Variants in IL10RA observed in about 807,000 individuals in gnomAD.
The protein encoded by IL10RA is interleukin-10 receptor subunit alpha.
IL10RA carries 18 observed loss-of-function variants against 29.6 expected under a neutral mutation model. That is an observed-to-expected ratio of 0.61 (90% confidence interval 0.42 to 0.90). The LOEUF is 0.90. IL10RA is among the 40% of genes least tolerant of loss of function. IL10RA has a pLI of 0.00. For synonymous variants in IL10RA, 292 were observed against 294.1 expected, an observed-to-expected ratio of 0.99 and a Z score of 0.07; for missense variants, 634 against 716.6, an observed-to-expected ratio of 0.88 and a Z score of 1.32.
chr11:117,989,791 A>T lies in IL10RA; in HGVS notation c.367+171A>T. The T allele has an allele frequency of 2.8e-6, 2 of 706,978 alleles. No homozygotes were observed. Among genetic ancestry groups the T allele is most frequent in the Non-Finnish European group, 5.0e-6 (2 of 402,692 alleles). The allele number at this position is 706,978 out of a possible 1,614,324, so 43.8% of individuals were successfully genotyped here. Reference sequence around the variant, plus strand: ...ACTTTGGAGAATGTTAGATAAAAATAGCCCAAGTTGTTTGAGATTTAAAAG... The same window carrying T: ...ACTTTGGAGAATGTTAGATAAAAATTGCCCAAGTTGTTTGAGATTTAAAAG... On this transcript the variant is annotated intron_variant, in intron 3 of 6. Transcript: ENST00000227752. The surrounding 1 kb of genome is among the most constrained non-coding windows in gnomAD (Gnocchi z 4.5).
chr11:117,988,058 G>T (rs971399623), intron 1 of IL10RA: 9 of 407,880 alleles, frequency 2.2e-5, no homozygotes, highest in African/African-American at 1.8e-4. Context: ...CAGAGCCAGG[G>T]ACTAACACAT....
chr11:117,989,698 C>G lies in IL10RA; in HGVS notation c.367+78C>G, dbSNP rs1235755843. 1 of 1,420,710 alleles carries G rather than the reference C, an allele frequency of 7.0e-7. No individual in the cohort carries two copies. The highest frequency in any genetic ancestry group is 9.8e-7 in the Non-Finnish European group (1 of 1,024,590). 88.0% of individuals were successfully genotyped at this position (1,420,710 alleles called of 1,614,324 possible). A position where few individuals can be genotyped will look rare whatever the true frequency, so the allele number is the denominator to read the frequency against. ...GAACTCTAGTCTAGAGCTTTTCTGTCTATTACCATAGCTCACCATGTCTGC... is the reference window on the plus strand; with the variant it reads ...GAACTCTAGTCTAGAGCTTTTCTGTGTATTACCATAGCTCACCATGTCTGC... On this transcript the variant is annotated intron_variant, in intron 3 of 6. Coordinates refer to ENST00000227752, the MANE Select transcript of IL10RA (RefSeq NM_001558.4). The surrounding 1 kb of genome is among the most constrained non-coding windows in gnomAD (Gnocchi z 4.5).
rs35465632 is a variant in IL10RA, at chr11:117,999,092, G to A, written c.1188G>A (p.Arg396=). Residue 396 remains arginine (R), a synonymous_variant, in exon 7 of 7, where the codon AGG becomes AGA. Coordinates refer to ENST00000227752, the MANE Select transcript of IL10RA (RefSeq NM_001558.4). ...AGCAACAGGTGGGGAGCAACAGCAG[G>A]GGCCAGGATGACAGTGGCATTGACT... ...TWEQQVGSNS[R]GQDDSGIDLV... is the part of the protein sequence containing the mutation. 1,064 of 1,611,056 alleles carry A rather than the reference G, an allele frequency of 6.6e-4. 7 individuals carry two copies. The African/African-American group carries it at 0.013, about 19-fold the overall frequency.
At chr11:117,996,258 T>TGGGGATGCTGCGCCACTGGAGA (rs2058055935) in intron 6 of IL10RA, among the ~76,000 whole-genome samples, 1 of 144,968 alleles carries the variant, frequency 6.9e-6, no homozygotes, top group Non-Finnish European at 1.5e-5. Context: ...TGGGGGGCGG[T>TGGGGATGCTGCGCCACTGGAGA]GGGGATGCTG....
intron 6 of IL10RA, among the ~76,000 whole-genome samples, chr11:117,998,270 A>G (rs2058068909): frequency 6.6e-6 from 1 of 152,234 alleles, no homozygotes; most frequent in South Asian, 2.1e-4. Context: ...GCTCATAATG[A>G]TGAGTATTAT....
chr11:117,993,205 T>A lies in IL10RA; in HGVS notation c.368-36T>A, dbSNP rs1217118259. On this transcript the variant is annotated intron_variant, in intron 3 of 6. Coordinates refer to ENST00000227752, the MANE Select transcript of IL10RA (RefSeq NM_001558.4). ...ACCCAGGCCCTCCTCAGCCCTCAAGTCTCATGGTATTCCCCCCCACCCCAA... is the reference window on the plus strand; with the variant it reads ...ACCCAGGCCCTCCTCAGCCCTCAAGACTCATGGTATTCCCCCCCACCCCAA... The A allele has an allele frequency of 3.7e-6, 6 of 1,602,788 alleles. No individual in the cohort carries two copies. In the African/African-American group the frequency reaches 8.1e-5, roughly 22 times the overall value.
At chr11:117,994,939 G>C (rs1365626098) in intron 5 of IL10RA, 1 of 160,496 alleles carries the variant, frequency 6.2e-6, no homozygotes, top group Non-Finnish European at 1.4e-5. Flanking sequence ...CACTAAGTGG[G>C]TATCAGGCAG....
chr11:117,989,753 C>CTGTTTGGG lies in IL10RA; in HGVS notation c.367+133_367+134insTGTTTGGG. 1.1e-6 allele frequency: 1 copy of CTGTTTGGG among 887,588 alleles called. No individual in the cohort carries two copies. 55.0% of individuals were successfully genotyped at this position (887,588 alleles called of 1,614,324 possible). A position where few individuals can be genotyped will look rare whatever the true frequency, so the allele number is the denominator to read the frequency against. On this transcript the variant is annotated intron_variant, in intron 3 of 6. Coordinates refer to ENST00000227752, the MANE Select transcript of IL10RA (RefSeq NM_001558.4). This position sits in a 1 kb window ranked among gnomAD's most constrained non-coding sequence, Gnocchi z 4.5. ...CTCCCTGGCCGGAGAACTAGTTGCCCAAACAGGGCAGGACTTTGGAGAATG... is the reference window on the plus strand; with the variant it reads ...CTCCCTGGCCGGAGAACTAGTTGCCCTGTTTGGGAAACAGGGCAGGACTTTGGAGAATG...
intron 3 of IL10RA, among the ~76,000 whole-genome samples, chr11:117,992,027 G>A (rs1220819524): frequency 1.3e-5 from 2 of 152,170 alleles, no homozygotes; most frequent in Admixed American, 6.5e-5. Context: ...GAGCCACTGG[G>A]CCGGGCCTCA....
At chr11:117,990,528 G>GTCT (rs1398259675) in intron 3 of IL10RA, among the ~76,000 whole-genome samples, 1 of 152,168 alleles carries the variant, frequency 6.6e-6, no homozygotes, top group Non-Finnish European at 1.5e-5. Flanking sequence ...TTACAAAGGT[G>GTCT]TGATATGTGA....
At chr11:118,001,805 C>CACT, downstream of IL10RA, 1 of 195,772 alleles carries the variant, frequency 5.1e-6, no homozygotes, top group Admixed American at 5.3e-5. Context: ...TACTATGTGC[C>CACT]ACTAGCTGTC....
In IL10RA at chr11:118,000,728, G is replaced by A. The variant is rs1323086949; in HGVS notation, c.*1087G>A. ...GTGAAATAAGGACTCCACCTTTAGG[G>A]GACCCTCCATGTTTGCTGGGTATTA... On this transcript the variant is annotated 3_prime_UTR_variant, in exon 7 of 7. Coordinates refer to ENST00000227752, the MANE Select transcript of IL10RA (RefSeq NM_001558.4). 2.2e-6 allele frequency: 1 copy of A among 454,266 alleles called. No individual in the cohort carries two copies. The highest frequency in any genetic ancestry group is 4.4e-6 in the Non-Finnish European group (1 of 226,794). The allele number at this position is 454,266 out of a possible 1,614,324, so 28.1% of individuals were successfully genotyped here.
chr11:118,001,737 GT>G, downstream of IL10RA: 1 of 249,074 alleles, frequency 4.0e-6, no homozygotes, highest in South Asian at 5.0e-5. Flanking sequence ...CCATGAGGAT[GT>G]TGTGAGGTGT....
In IL10RA at chr11:117,994,140, A is replaced by T. The variant is rs772391754; in HGVS notation, c.679A>T (p.Thr227Ser). The T allele has an allele frequency of 6.2e-7, 1 of 1,613,884 alleles. No homozygotes were observed. ...GTCTAAAGAGGAGTGCATCTCCCTC[A>T]CCAGGCAGTGTGAGTCAGCTGGGCT... Reference protein sequence around the residue: ...MWSKEECISLTRQYFTVTNVI... With the variant: ...MWSKEECISLSRQYFTVTNVI... The change falls in exon 5 of 7, where the codon ACC becomes TCC. Residue 227 changes from threonine to serine, a missense_variant. By Grantham distance (58) the Thr-to-Ser change is moderately conservative. Transcript: ENST00000227752.
In IL10RA at chr11:117,999,259, G is replaced by A; in HGVS notation, c.1355G>A (p.Cys452Tyr). 10 of 1,614,276 alleles carry A rather than the reference G, an allele frequency of 6.2e-6. No individual in the cohort carries two copies. Among genetic ancestry groups the A allele is most frequent in the Non-Finnish European group, 8.5e-6 (10 of 1,180,050 alleles). The change falls in exon 7 of 7, where the codon TGT becomes TAT. Residue 452 changes from cysteine (C) to tyrosine (Y), a missense_variant. Coordinates refer to ENST00000227752, the MANE Select transcript of IL10RA (RefSeq NM_001558.4). ...CAGGGTTACCTGAGGCAGACCAGAT[G>A]TGCTGAAGAGAAGGCAACCAAGACA... is the stretch of plus-strand genomic sequence containing the variant. ...AFQGYLRQTR[C>Y]AEEKATKTGC...
At position 117,995,572 on chromosome 11, in the gene IL10RA, T is replaced by C; in HGVS notation, c.689-17T>C. ...CCCATGGTGACAGGCCACAAACACATCTCTCTGGGCCTGCAGATTTCACCG... is the reference window on the plus strand; with the variant it reads ...CCCATGGTGACAGGCCACAAACACACCTCTCTGGGCCTGCAGATTTCACCG... On this transcript the variant is annotated splice_polypyrimidine_tract_variant and intron_variant, in intron 5 of 6. Coordinates refer to ENST00000227752, the MANE Select transcript of IL10RA (RefSeq NM_001558.4). 2 of 1,614,118 alleles carry C rather than the reference T, an allele frequency of 1.2e-6. No homozygotes were observed. Among genetic ancestry groups the C allele is most frequent in the South Asian group, 2.2e-5 (2 of 91,072 alleles).
At chr11:117,995,486 G>C (rs949119164) in intron 5 of IL10RA, 103 bp from the exon 6 acceptor site, 1 of 1,500,984 alleles carries the variant, frequency 6.7e-7, no homozygotes. Context: ...TCACTGAATG[G>C]TTCCTGACAG....
At chr11:117,991,330 A>G (rs2058021065) in intron 3 of IL10RA, among the ~76,000 whole-genome samples, 1 of 152,262 alleles carries the variant, frequency 6.6e-6, no homozygotes, top group African/African-American at 2.4e-5. Flanking sequence ...ATACATGTAT[A>G]CCTTGTGGAA....
chr11:118,001,456 T>A lies in IL10RA; in HGVS notation c.*1815T>A, dbSNP rs768870898. ...GTCAATAAGTGATACATGTTTTTTA[T>A]TCCAATAAATTGTCAAGACCACAGG... On this transcript the variant is annotated 3_prime_UTR_variant, in exon 7 of 7. Coordinates refer to ENST00000227752, the MANE Select transcript of IL10RA (RefSeq NM_001558.4). The A allele has an allele frequency of 9.3e-6, 4 of 429,136 alleles. No individual in the cohort carries two copies. The highest frequency in any genetic ancestry group is 3.3e-5 in the South Asian group (2 of 60,888). The allele number at this position is 429,136 out of a possible 1,614,324, so 26.6% of individuals were successfully genotyped here.
Sources: gnomAD v4.1 joint callset for allele counts (sites outside exome capture counted in the v4.1 genomes callset) on GRCh38, gnomAD v4.1.1 for gene constraint, Gnocchi (gnomAD v3.1) non-coding constraint, MANE v1.5 for transcripts, NCBI Gene and HGNC (gene_info 2026-07-23, HGNC 2026-07-21) for gene names.